The following DSE variants were observed in gnomAD, a reference collection of about 807,000 sequenced individuals.
DSE encodes the protein dermatan sulfate epimerase, also known as dermatan-sulfate epimerase.
Under a neutral mutation model 84.4 loss-of-function variants are expected in DSE, and 36 were observed. The ratio of observed to expected loss-of-function variants is 0.43; its 90% CI spans 0.33 to 0.56. The LOEUF (loss-of-function observed/expected upper bound fraction) is 0.56, where lower values mean the gene tolerates loss of function less well. Among genes scored for constraint, DSE ranks in the 20% least tolerant of loss-of-function variants. The probability of loss-of-function intolerance (pLI) is 0.06; values close to 1 mark genes in which losing one functional copy is unlikely to be tolerated. For missense variants in DSE, 862 were observed against 1,169.6 expected, an observed-to-expected ratio of 0.74 and a Z score of 3.84; for synonymous variants, 410 against 430.1, an observed-to-expected ratio of 0.95 and a Z score of 0.58.
In DSE at chr6:116,437,198, T is replaced by C; in HGVS notation, c.2730T>C (p.Ala910=). Residue 910 remains alanine, a synonymous_variant, in exon 6 of 6, where the codon GCT becomes GCC. Transcript: ENST00000644252. Reference sequence around the variant, plus strand: ...GGTTGTTCCTGATTCTGAACATTGCTATTTTCTTTGTCATGTTGGCAATGC... The same window carrying C: ...GGTTGTTCCTGATTCTGAACATTGCCATTTTCTTTGTCATGTTGGCAATGC... The part of the protein sequence containing the change: ...YTRLFLILNI[A]IFFVMLAMQL... 1 of 1,614,174 alleles carries C rather than the reference T, an allele frequency of 6.2e-7. No individual in the cohort carries two copies. Among genetic ancestry groups the C allele is most frequent in the Non-Finnish European group, 8.5e-7 (1 of 1,180,008 alleles).
chr6:116,383,251 T>C (rs756824934), intron 1 of DSE, among the ~76,000 whole-genome samples: 7 of 152,186 alleles, frequency 4.6e-5, no homozygotes, highest in South Asian at 2.1e-4. Flanking sequence ...ATAAGTTTAC[T>C]ACAAAAGGGA....
chr6:116,324,296 T>C (rs758924054), intron 2 of DSE, among the ~76,000 whole-genome samples: 2 of 152,208 alleles, frequency 1.3e-5, no homozygotes, highest in South Asian at 2.1e-4. Context: ...CTCCAAGATA[T>C]ATACAACAGC....
rs1784247338 is a variant in DSE, at chr6:116,437,315, G to T, written c.2847G>T (p.Leu949Phe). The T allele has an allele frequency of 1.2e-6, 2 of 1,612,488 alleles. No homozygotes were observed. Among genetic ancestry groups the T allele is most frequent in the African/African-American group, 1.3e-5 (1 of 74,838 alleles). The change falls in exon 6 of 6, where the codon TTG becomes TTT. Residue 949 changes from leucine to phenylalanine, a missense_variant. Leu to Phe is a conservative substitution (Grantham distance 22, BLOSUM62 0). Coordinates refer to ENST00000644252, the MANE Select transcript of DSE (RefSeq NM_013352.4). ...LLIDSCILLW[L>F]YSSCSQSQC ...TAGATAGCTGTATTTTATTATGGTT[G>T]TACTCTTCTTGTTCCCAATCACAGT...
chr6:116,307,849 G>A (rs1167307950), intron 2 of DSE, among the ~76,000 whole-genome samples: 1 of 152,218 alleles, frequency 6.6e-6, no homozygotes, highest in African/African-American at 2.4e-5. Flanking sequence ...ATGTAAATAT[G>A]AACTGTTTAG....
intron 2 of DSE, among the ~76,000 whole-genome samples, chr6:116,348,973 TGGGTGGA>T (rs1469772852): frequency 3.0e-5 from 4 of 133,926 alleles, no homozygotes; most frequent in African/African-American, 1.1e-4. Flanking sequence ...CAGGGTGGGG[TGGGTGGA>T]GGGGGGAGGG....
chr6:116,394,566 G>T (rs918734636), intron 1 of DSE, among the ~76,000 whole-genome samples: 1 of 152,060 alleles, frequency 6.6e-6, no homozygotes, highest in African/African-American at 2.4e-5. Flanking sequence ...CTCCCGAGTA[G>T]CTGGAACTAC....
chr6:116,345,361 G>C (rs1777888954), intron 2 of DSE, among the ~76,000 whole-genome samples: 1 of 152,128 alleles, frequency 6.6e-6, no homozygotes, highest in South Asian at 2.1e-4. Context: ...TGACCACATA[G>C]TTGGAAGTAA....
intron 2 of DSE, among the ~76,000 whole-genome samples, chr6:116,305,785 G>A (rs1361744760): frequency 6.6e-6 from 1 of 152,052 alleles, no homozygotes; most frequent in Admixed American, 6.6e-5. Context: ...TTACAGTGTA[G>A]CATGTGCCAC....
At chr6:116,385,504 G>T (rs1306645488) in intron 1 of DSE, among the ~76,000 whole-genome samples, 1 of 151,880 alleles carries the variant, frequency 6.6e-6, no homozygotes, top group African/African-American at 2.4e-5. Context: ...TTTGGATATG[G>T]AGAGTGAAAT....
intron 2 of DSE, among the ~76,000 whole-genome samples, chr6:116,322,601 G>T (rs1361165614): frequency 6.7e-6 from 1 of 148,398 alleles, no homozygotes. Flanking sequence ...GAATAAACCT[G>T]GAGTGATTTT....
intron 2 of DSE, 48 bp downstream of exon 2, chr6:116,399,714 A>G: frequency 6.4e-7 from 1 of 1,557,436 alleles, no homozygotes; most frequent in Admixed American, 1.8e-5. Context: ...TGCATTAGAA[A>G]GAAACAAATC....
intron 2 of DSE, among the ~76,000 whole-genome samples, chr6:116,289,008 A>T (rs1412352804): frequency 1.3e-5 from 2 of 152,098 alleles, no homozygotes; most frequent in Non-Finnish European, 2.9e-5. Flanking sequence ...CATAACATAA[A>T]AAGGATAATC....
intron 1 of DSE, among the ~76,000 whole-genome samples, chr6:116,398,465 C>T (rs74396679): frequency 7.5e-4 from 114 of 152,240 alleles, no homozygotes; most frequent in Non-Finnish European, 1.0e-3. Flanking sequence ...AAAATGCACC[C>T]GTGTTATTTC....
chr6:116,400,366 A>T (rs1481386493), intron 2 of DSE: 1 of 152,222 alleles, frequency 6.6e-6, no homozygotes, highest in Non-Finnish European at 1.5e-5. Flanking sequence ...AGATGTTTTT[A>T]CTCATGCAAT....
At chr6:116,430,641 A>G (rs953319203) in intron 3 of DSE, among the ~76,000 whole-genome samples, 45 of 151,962 alleles carry the variant, frequency 3.0e-4, no homozygotes, top group African/African-American at 1.1e-3. Context: ...TCCCGGGTTC[A>G]CACCATTCTC....
At chr6:116,310,545 A>T (rs1775632544) in intron 2 of DSE, among the ~76,000 whole-genome samples, 1 of 152,058 alleles carries the variant, frequency 6.6e-6, no homozygotes, top group African/African-American at 2.4e-5. Context: ...ACGGCTCCAC[A>T]ATTCATTCAG....
At chr6:116,318,535 GAA>G (rs1291001825) in intron 2 of DSE, among the ~76,000 whole-genome samples, 1 of 151,650 alleles carries the variant, frequency 6.6e-6, no homozygotes, top group Non-Finnish European at 1.5e-5. Context: ...GAAGAAGACT[GAA>G]AAAGCAAAAC....
At chr6:116,258,483 G>T in exon 2 of DSE, 1 of 1,052,350 alleles carries the variant, frequency 9.5e-7, no homozygotes, top group Non-Finnish European at 1.5e-6. Flanking sequence ...TTGGGCAACA[G>T]CTGGGAAAAT....
intron 2 of DSE, among the ~76,000 whole-genome samples, chr6:116,306,504 T>C (rs892957111): frequency 3.3e-5 from 5 of 152,208 alleles, no homozygotes; most frequent in African/African-American, 1.2e-4. Context: ...GAAATGATTA[T>C]GTTTGTTTCT....
Sources: gnomAD v4.1 joint callset for allele counts (sites outside exome capture counted in the v4.1 genomes callset) on GRCh38, gnomAD v4.1.1 for gene constraint, MANE v1.5 for transcripts, NCBI Gene and HGNC (gene_info 2026-07-23, HGNC 2026-07-21) for gene names.